Variants in PYHIN1 observed in about 807,000 individuals in gnomAD.
The protein encoded by PYHIN1 is pyrin and HIN domain family member 1.
In PYHIN1, 32 loss-of-function variants were observed where a neutral mutation model predicts 43.7. The observed-to-expected ratio is 0.73, with a 90% CI of 0.55 to 0.98. The LOEUF (loss-of-function observed/expected upper bound fraction) is 0.98, where lower values mean the gene tolerates loss of function less well. Ranked by LOEUF, PYHIN1 falls within the 50% of genes least tolerant of loss-of-function variation. The pLI is 0.00. For synonymous variants in PYHIN1, 205 were observed against 203.1 expected, an observed-to-expected ratio of 1.01 and a Z score of -0.08; for missense variants, 588 against 589.5, an observed-to-expected ratio of 1.00 and a Z score of 0.03.
chr1:158,956,208 A>G (rs1649917420), intron 7 of PYHIN1, among the ~76,000 whole-genome samples: 1 of 148,768 alleles, frequency 6.7e-6, no homozygotes, highest in African/African-American at 2.5e-5. Flanking sequence ...TTCTGAAACT[A>G]TTCCAATCAA....
chr1:158,937,587 A>G (rs1304058875), intron 2 of PYHIN1, among the ~76,000 whole-genome samples: 1 of 152,240 alleles, frequency 6.6e-6, no homozygotes, highest in Non-Finnish European at 1.5e-5. Context: ...ACAATACTTA[A>G]ATGTAAGCAT....
At chr1:158,939,420 G>C (rs1457573480) in intron 4 of PYHIN1, 173 bp downstream of exon 4, 1 of 1,557,282 alleles carries the variant, frequency 6.4e-7, no homozygotes, top group South Asian at 1.2e-5. Flanking sequence ...TGATGAACTT[G>C]ACATTATCTC....
chr1:158,934,025 C>T (rs1633276), intron 1 of PYHIN1, among the ~76,000 whole-genome samples: 132,275 of 152,110 alleles, frequency 0.87, 60,322 homozygotes, highest in Non-Finnish European at 1. Flanking sequence ...TTAAATATCA[C>T]TTTGTTTAGA....
At chr1:158,956,589 T>C (rs942592547) in intron 7 of PYHIN1, among the ~76,000 whole-genome samples, 38 of 151,874 alleles carry the variant, frequency 2.5e-4, no homozygotes, top group Non-Finnish European at 7.4e-5. Flanking sequence ...AATTAGGTAC[T>C]GATGGGACGT....
intron 7 of PYHIN1, among the ~76,000 whole-genome samples, chr1:158,972,027 T>C (rs1650958762): frequency 6.6e-6 from 1 of 152,042 alleles, no homozygotes; most frequent in Non-Finnish European, 1.5e-5. Flanking sequence ...TACGTATAGA[T>C]ATAGAGGCAG....
Position 158,944,988 on chromosome 1 carries a change from TC to T in PYHIN1, c.1306del (p.Leu436SerfsTer59), listed in dbSNP as rs1171637316. 6.2e-7 allele frequency: 1 copy of T among 1,613,818 alleles called. No individual in the cohort carries two copies. Among genetic ancestry groups the T allele is most frequent in the Non-Finnish European group, 8.5e-7 (1 of 1,179,844 alleles). On this transcript the variant is annotated frameshift_variant, in exon 7 of 9. Coordinates refer to ENST00000368140, the MANE Select transcript of PYHIN1 (RefSeq NM_152501.5). LOFTEE classifies it high-confidence loss of function. ...EASTTLPESH[L>X]KTPQMPPTTP... ...CCAGCACAACCCTACCTGAAAGCCA[TC>T]TCAAGACTCCTCAGATGCCACCAAC...
At chr1:158,983,147 C>T in the PYHIN1 span, among the ~76,000 whole-genome samples, 1 of 151,748 alleles carries the variant, frequency 6.6e-6, no homozygotes, top group Non-Finnish European at 1.5e-5. Flanking sequence ...TTTCTCTTGC[C>T]TGACTGCTCT....
At chr1:158,959,862 G>A (rs766355607) in intron 7 of PYHIN1, among the ~76,000 whole-genome samples, 10 of 152,234 alleles carry the variant, frequency 6.6e-5, no homozygotes, top group Non-Finnish European at 1.2e-4. Flanking sequence ...TTCATGCTAT[G>A]TGCATCAATT....
intron 5 of PYHIN1, 89 bp from the exon 6 acceptor site, chr1:158,943,701 A>T: frequency 1.1e-6 from 1 of 906,630 alleles, no homozygotes; most frequent in Non-Finnish European, 1.7e-6. Context: ...GCTGTCTTGC[A>T]TCTTGTTTTT....
At chr1:158,958,787 A>T (rs1178520245) in intron 7 of PYHIN1, among the ~76,000 whole-genome samples, 18 of 67,014 alleles carry the variant, frequency 2.7e-4, no homozygotes, top group Non-Finnish European at 6.1e-4. Flanking sequence ...AAATAAATTA[A>T]AAAAAAAAAA....
chr1:158,934,215 C>T (rs996945703), intron 1 of PYHIN1, among the ~76,000 whole-genome samples: 2 of 152,090 alleles, frequency 1.3e-5, no homozygotes, highest in African/African-American at 2.4e-5. Context: ...AGCAAAAGCA[C>T]TAATATTTCA....
In PYHIN1 at chr1:158,973,680, C is replaced by T. The variant is rs1395635106; in HGVS notation, c.1393C>T (p.Pro465Ser). 3 of 1,613,044 alleles carry T rather than the reference C, an allele frequency of 1.9e-6. No homozygotes were observed. Among genetic ancestry groups the T allele is most frequent in the Non-Finnish European group, 1.7e-6 (2 of 1,179,380 alleles). ...DETHPGAQSSPANFRITSPTV... is the reference protein window; with the variant it reads ...DETHPGAQSSSANFRITSPTV... ...AACCCACCCAGGAGCACAGTCATCG[C>T]CTGCAAACTTTAGAATCACCTCACC... Residue 465 changes from proline (P) to serine (S), a missense_variant, in exon 8 of 9, where the codon CCT (proline) becomes TCT (serine). Coordinates refer to ENST00000368140, the MANE Select transcript of PYHIN1 (RefSeq NM_152501.5).
At chr1:158,977,096 T>C (rs1651322405), downstream of PYHIN1, 1 of 153,198 alleles carries the variant, frequency 6.5e-6, no homozygotes, top group Admixed American at 6.6e-5. Flanking sequence ...CTGTGAGTTA[T>C]GTAAAAGCAA....
the PYHIN1 span, among the ~76,000 whole-genome samples, chr1:158,986,341 C>T: frequency 6.6e-4 from 101 of 152,230 alleles, no homozygotes; most frequent in Non-Finnish European, 1.0e-3. Context: ...TTTAGTTGAT[C>T]GGCTTTGTTT....
chr1:158,961,905 C>T (rs1235258055), intron 7 of PYHIN1, among the ~76,000 whole-genome samples: 1 of 152,138 alleles, frequency 6.6e-6, no homozygotes, highest in East Asian at 1.9e-4. Context: ...ATCCAGGGGA[C>T]TAAGCAGCAC....
At chr1:158,965,352 A>G (rs1020044927) in intron 7 of PYHIN1, among the ~76,000 whole-genome samples, 1 of 152,170 alleles carries the variant, frequency 6.6e-6, no homozygotes, top group African/African-American at 2.4e-5. Flanking sequence ...AAAAAAAAAT[A>G]GCAAAGATAT....
downstream of PYHIN1, among the ~76,000 whole-genome samples, chr1:158,981,701 A>C (rs952407866): frequency 2.0e-5 from 3 of 152,174 alleles, no homozygotes; most frequent in African/African-American, 7.2e-5. Flanking sequence ...AGAAAATTAA[A>C]ACTGGACCTC....
At chr1:158,948,502 C>T (rs1160275674) in intron 7 of PYHIN1, among the ~76,000 whole-genome samples, 7 of 152,136 alleles carry the variant, frequency 4.6e-5, no homozygotes, top group Admixed American at 1.3e-4. Context: ...AATGCCAGTG[C>T]GTCTTGTTGC....
chr1:158,964,698 G>T (rs1025739551), intron 7 of PYHIN1, among the ~76,000 whole-genome samples: 1 of 152,154 alleles, frequency 6.6e-6, no homozygotes, highest in African/African-American at 2.4e-5. Context: ...GAGGGAATTT[G>T]TTACCACCAG....
Sources: allele counts gnomAD v4.1 joint callset (sites outside exome capture counted in the v4.1 genomes callset), GRCh38; gene constraint gnomAD v4.1.1; transcripts MANE v1.5; gene names NCBI Gene and HGNC (gene_info 2026-07-23, HGNC 2026-07-21).